Variants in GP5 observed in about 807,000 individuals in gnomAD.
The protein encoded by GP5 is platelet glycoprotein V.
For missense variants in GP5, 755 were observed against 737.1 expected (o/e 1.02, Z -0.28); for synonymous variants, 382 against 353.9 (o/e 1.08, Z -0.89).
rs756336300 is a variant in GP5 at position 194,397,242 on chromosome 3, G to A, written c.1041C>T (p.His347=). The A allele has an allele frequency of 2.5e-6, 4 of 1,576,790 alleles. No homozygotes were observed. The Admixed American group carries it at 7.1e-5, about 28-fold the overall frequency. Residue 347 remains histidine (H), a synonymous_variant, in exon 2 of 2, where the codon CAC becomes CAT. Coordinates refer to ENST00000692618, the MANE Select transcript of GP5 (RefSeq NM_004488.2). The surrounding 1 kb of genome is among the most constrained non-coding windows in gnomAD (Gnocchi z 7.2). ...CGGGGAGGGCGGTCAGGCCGTTGGA[G>A]TGCAGGGCGAGCACCTGGAGCTCGC... The part of the protein sequence containing the change: ...GLGELQVLAL[H]SNGLTALPDG...
rs776782452 is a variant in GP5 at position 194,396,917 on chromosome 3, C to T, written c.1366G>A (p.Ala456Thr). 55 of 1,522,790 alleles carry T rather than the reference C, an allele frequency of 3.6e-5. No individual in the cohort carries two copies. In the African/African-American group the frequency reaches 6.1e-4, roughly 17 times the overall value. The allele number at this position is 1,522,790 out of a possible 1,614,324, so 94.3% of individuals were successfully genotyped here. Residue 456 changes from alanine to threonine, a missense_variant, in exon 2 of 2, where the codon GCG becomes ACG. Ala to Thr is a moderately conservative substitution (Grantham distance 58). Transcript: ENST00000692618. The part of the protein sequence containing the change: ...EEPPRCAGPG[A>T]HAGLPLWALP... ...GCCCAGAGCGGCAGGCCGGCGTGCG[C>T]CCCAGGGCCTGCGCACCGTGGGGGC...
chr3:194,398,607 T>C (rs901516907), intron 1 of GP5, among the ~76,000 whole-genome samples: 4 of 152,176 alleles, frequency 2.6e-5, no homozygotes, highest in African/African-American at 9.7e-5. Flanking sequence ...CTCACAGACA[T>C]CACAAAGCAA....
Position 194,397,223 on chromosome 3 carries a change from G to A in GP5, c.1060C>T (p.Leu354Phe). ...AGGCCGCGCAGCAAGCCGTCGGGGA[G>A]GGCGGTCAGGCCGTTGGAGTGCAGG... ...LALHSNGLTALPDGLLRGLGK... is the reference protein window; with the variant it reads ...LALHSNGLTAFPDGLLRGLGK... The change falls in exon 2 of 2, where the codon CTC becomes TTC. Residue 354 changes from leucine (L) to phenylalanine (F), a missense_variant. Physicochemically the swap from Leu to Phe is conservative, Grantham distance 22. Transcript: ENST00000692618. The surrounding 1 kb of genome is among the most constrained non-coding windows in gnomAD (Gnocchi z 7.2). 1 of 1,573,274 alleles carries A rather than the reference G, an allele frequency of 6.4e-7. No homozygotes were observed. Among genetic ancestry groups the A allele is most frequent in the Non-Finnish European group, 8.6e-7 (1 of 1,167,690 alleles).
chr3:194,397,568 C>T lies in GP5; in HGVS notation c.715G>A (p.Asp239Asn), dbSNP rs1021936902. 16 of 1,614,050 alleles carry T rather than the reference C, an allele frequency of 9.9e-6. No individual in the cohort carries two copies. In the East Asian group the frequency reaches 2.2e-4, roughly 22 times the overall value. ...HIRSIAPGAFDRLPNLSSLTL... is the reference protein window; with the variant it reads ...HIRSIAPGAFNRLPNLSSLTL... Reference sequence around the variant, plus strand: ...AAAGAACTGAGGTTTGGGAGCCGGTCGAAGGCCCCGGGTGCGATGGAACGG... The same window carrying T: ...AAAGAACTGAGGTTTGGGAGCCGGTTGAAGGCCCCGGGTGCGATGGAACGG... Residue 239 changes from aspartate (D) to asparagine (N), a missense_variant, in exon 2 of 2, where the codon GAC becomes AAC. Coordinates refer to ENST00000692618, the MANE Select transcript of GP5 (RefSeq NM_004488.2). This position sits in a 1 kb window ranked among gnomAD's most constrained non-coding sequence, Gnocchi z 7.2.
rs1430489679 is a variant in GP5 at position 194,396,996 on chromosome 3, C to T, written c.1287G>A (p.Leu429=). The change falls in exon 2 of 2, where the codon CTG becomes CTA. Residue 429 remains leucine (L), a synonymous_variant. Transcript: ENST00000692618. ...GCCGCAGCCACCCCAGGAAGGGCCC[C>T]AGGCCACAGTCGCAGCGCCAGGAGT... ...GHNSWRCDCG[L]GPFLGWLRQH... is the part of the protein sequence containing the mutation. 1 of 1,594,028 alleles carries T rather than the reference C, an allele frequency of 6.3e-7. No homozygotes were observed. Among genetic ancestry groups the T allele is most frequent in the Admixed American group, 1.7e-5 (1 of 59,154 alleles).
rs776477645 is a variant in GP5 at position 194,398,184 on chromosome 3, C to G, written c.99G>C (p.Ala33=). ...GCGCCACGTCGCCCCCCGAGCACTGCGCGGCGTCCCGGAAGACACACTTGC... is the reference window on the plus strand; with the variant it reads ...GCGCCACGTCGCCCCCCGAGCACTGGGCGGCGTCCCGGAAGACACACTTGC... ...PACKCVFRDA[A]QCSGGDVARI... The change falls in exon 2 of 2, where the codon GCG becomes GCC. Residue 33 remains alanine (A), a synonymous_variant. Transcript: ENST00000692618. 4 of 1,612,824 alleles carry G rather than the reference C, an allele frequency of 2.5e-6. No homozygotes were observed. In the South Asian group the frequency reaches 3.3e-5, roughly 13 times the overall value.
At chr3:194,398,366 C>T in intron 1 of GP5, 82 bp from the exon 2 acceptor site, 1 of 1,312,438 alleles carries the variant, frequency 7.6e-7, no homozygotes. Flanking sequence ...GCACTTTGTG[C>T]AGAGGCACAA....
chr3:194,398,273 C>T lies in GP5; in HGVS notation c.10G>A (p.Gly4Arg), dbSNP rs1467639731. ...CCGAGCACCGCGCACAGTAGAGTCC[C>T]CCTCAGCATGTCTGAAAAAGCAACC... MLR[G>R]TLLCAVLGLL... Residue 4 changes from glycine to arginine, a missense_variant, in exon 2 of 2, where the codon GGG (glycine) becomes AGG (arginine). By Grantham distance (125) the Gly-to-Arg change is moderately radical. Coordinates refer to ENST00000692618, the MANE Select transcript of GP5 (RefSeq NM_004488.2). 5.0e-6 allele frequency: 8 copies of T among 1,598,834 alleles called. No homozygotes were observed. Among genetic ancestry groups the T allele is most frequent in the Non-Finnish European group, 6.8e-6 (8 of 1,171,216 alleles).
Position 194,398,261 on chromosome 3 carries a change from A to G in GP5, c.22T>C (p.Cys8Arg). The G allele has an allele frequency of 1.2e-6, 2 of 1,608,062 alleles. No individual in the cohort carries two copies. The highest frequency in any genetic ancestry group is 1.7e-6 in the Non-Finnish European group (2 of 1,177,264). The change falls in exon 2 of 2, where the codon TGC (cysteine) becomes CGC (arginine). Residue 8 changes from cysteine (C) to arginine (R), a missense_variant. By Grantham distance (180) the Cys-to-Arg change is radical. Transcript: ENST00000692618. MLRGTLL[C>R]AVLGLLRAQP... ...GCGCGCAGAAGCCCGAGCACCGCGC[A>G]CAGTAGAGTCCCCCTCAGCATGTCT...
rs566646759 is a variant in GP5, at chr3:194,397,118, G to A, written c.1165C>T (p.Leu389=). 1.3e-6 allele frequency: 2 copies of A among 1,591,122 alleles called. No homozygotes were observed. The highest frequency in any genetic ancestry group is 1.7e-6 in the Non-Finnish European group (2 of 1,176,682). ...PRALFRNLSS[L]ESVQLDHNQL... is the part of the protein sequence containing the mutation. ...TTGTGGTCGAGCTGGACGCTCTCCA[G>A]GCTGCTGAGATTGCGGAAGAGGGCA... Residue 389 remains leucine (L), a synonymous_variant, in exon 2 of 2, where the codon CTG becomes TTG. Transcript: ENST00000692618. The surrounding 1 kb of genome is among the most constrained non-coding windows in gnomAD (Gnocchi z 7.2).
rs772189930 is a variant in GP5, at chr3:194,396,766, C to T, written c.1517G>A (p.Trp506Ter). 6.2e-7 allele frequency: 1 copy of T among 1,614,044 alleles called. No homozygotes were observed. The highest frequency in any genetic ancestry group is 8.5e-7 in the Non-Finnish European group (1 of 1,179,914). Residue 506 changes from tryptophan (W) to a stop codon, truncating the protein, a stop_gained, in exon 2 of 2, where the codon TGG becomes TAG. Coordinates refer to ENST00000692618, the MANE Select transcript of GP5 (RefSeq NM_004488.2). LOFTEE classifies it low-confidence loss of function (END_TRUNC). ...TTTGCCCGTGGTCACCGGCTGGGCC[C>T]ACACCCAGGGTTCTGAGCTGTTGGG... ...LAPNSSEPWV[W>*]AQPVTTGKGQ...
rs1260578527 is a variant in GP5, at chr3:194,397,356, G to A, written c.927C>T (p.Ala309=). The A allele has an allele frequency of 1.2e-6, 2 of 1,604,680 alleles. No homozygotes were observed. The highest frequency in any genetic ancestry group is 4.5e-5 in the East Asian group (2 of 44,808). The stretch of plus-strand genomic sequence containing the variant: ...ACCGCAGGCGGCTCAGGTTGCGGAA[G>A]GCGGCGGCGGGCAGGGTGCGCAGCT... The part of the protein sequence containing the change: ...RTQLRTLPAA[A]FRNLSRLRYL... The change falls in exon 2 of 2, where the codon GCC becomes GCT. Residue 309 remains alanine, a synonymous_variant. Transcript: ENST00000692618. This position sits in a 1 kb window ranked among gnomAD's most constrained non-coding sequence, Gnocchi z 7.2.
chr3:194,398,072 T>G lies in GP5; in HGVS notation c.211A>C (p.Ser71Arg). ...GRGVLQSQSF[S>R]GMTVLQRLMI... Reference sequence around the variant, plus strand: ...AGGCGCTGCAGGACGGTCATGCCGCTGAAGCTCTGGCTCTGCAGGACGCCG... The same window carrying G: ...AGGCGCTGCAGGACGGTCATGCCGCGGAAGCTCTGGCTCTGCAGGACGCCG... Residue 71 changes from serine (S) to arginine (R), a missense_variant, in exon 2 of 2, where the codon AGC becomes CGC. Physicochemically the swap from Ser to Arg is moderately radical, Grantham distance 110. Transcript: ENST00000692618. 1 of 1,613,898 alleles carries G rather than the reference T, an allele frequency of 6.2e-7. No homozygotes were observed. Among genetic ancestry groups the G allele is most frequent in the Non-Finnish European group, 8.5e-7 (1 of 1,179,920 alleles).
Position 194,397,626 on chromosome 3 carries a change from G to A in GP5, c.657C>T (p.Ala219=). Residue 219 remains alanine, a synonymous_variant, in exon 2 of 2, where the codon GCC becomes GCT. Coordinates refer to ENST00000692618, the MANE Select transcript of GP5 (RefSeq NM_004488.2). This position sits in a 1 kb window ranked among gnomAD's most constrained non-coding sequence, Gnocchi z 7.2. ...LDSGLLNSLG[A]LTELQFHRNH... is the part of the protein sequence containing the mutation. ...TTCGGTGGAACTGCAGCTCCGTCAGGGCGCCCAGGCTGTTCAACAGCCCCG... is the reference window on the plus strand; with the variant it reads ...TTCGGTGGAACTGCAGCTCCGTCAGAGCGCCCAGGCTGTTCAACAGCCCCG... 6.2e-7 allele frequency: 1 copy of A among 1,614,134 alleles called. No homozygotes were observed. Among genetic ancestry groups the A allele is most frequent in the South Asian group, 1.1e-5 (1 of 91,082 alleles).
Position 194,394,878 on chromosome 3 carries a change from C to T in GP5, c.*1722G>A, listed in dbSNP as rs1033217020. On this transcript the variant is annotated 3_prime_UTR_variant, in exon 2 of 2. Transcript: ENST00000692618. ...CTGGCCACCCAGGGCTGAGGCCATC[C>T]GCAGGGGAAGACAGACTGATGTGAA... The T allele has an allele frequency of 2.6e-5, 4 of 152,316 alleles. No homozygotes were observed. Among genetic ancestry groups the T allele is most frequent in the South Asian group, 4.1e-4 (2 of 4,828 alleles). The allele number at this position is 152,316 out of a possible 1,614,324, so 9.4% of individuals were successfully genotyped here.
At chr3:194,398,335 T>G in intron 1 of GP5, 51 bp from the exon 2 acceptor site, 4 of 1,488,916 alleles carry the variant, frequency 2.7e-6, no homozygotes, top group Non-Finnish European at 3.6e-6. Flanking sequence ...CGTTCGCGCC[T>G]GTACTGAACC....
chr3:194,396,313 C>T lies in GP5; in HGVS notation c.*287G>A, dbSNP rs114732844. On this transcript the variant is annotated 3_prime_UTR_variant, in exon 2 of 2. Transcript: ENST00000692618. ...GCGCCCCCGGCAGTGTCAGCGCACA[C>T]CCGCGTGGGAGCTGGGGAAGGCAGG... is the stretch of plus-strand genomic sequence containing the variant. The T allele has an allele frequency of 0.013, 4,486 of 345,912 alleles. 180 individuals carry two copies. Among genetic ancestry groups the T allele is most frequent in the African/African-American group, 0.085 (4,124 of 48,392 alleles). The allele number at this position is 345,912 out of a possible 1,614,324, so 21.4% of individuals were successfully genotyped here. A position where few individuals can be genotyped will look rare whatever the true frequency, so the allele number is the denominator to read the frequency against.
Position 194,397,164 on chromosome 3 carries a change from G to A in GP5, c.1119C>T (p.Asn373=). Reference sequence around the variant, plus strand: ...GGGCACGGGGCAGGGCGCGCAGCCTGTTGCGGCGCAGGGACACCTGGCGCA... The same window carrying A: ...GGGCACGGGGCAGGGCGCGCAGCCTATTGCGGCGCAGGGACACCTGGCGCA... ...GKLRQVSLRR[N]RLRALPRALF... is the part of the protein sequence containing the mutation. The change falls in exon 2 of 2, where the codon AAC becomes AAT. Residue 373 remains asparagine, a synonymous_variant. Transcript: ENST00000692618. This position sits in a 1 kb window ranked among gnomAD's most constrained non-coding sequence, Gnocchi z 7.2. 1 of 1,580,868 alleles carries A rather than the reference G, an allele frequency of 6.3e-7. No homozygotes were observed. The highest frequency in any genetic ancestry group is 8.5e-7 in the Non-Finnish European group (1 of 1,171,546).
In GP5 at chr3:194,397,375, C is replaced by A; in HGVS notation, c.908G>T (p.Arg303Leu). ...QELWLNRTQL[R>L]TLPAAAFRNL... ...GCGGAAGGCGGCGGCGGGCAGGGTG[C>A]GCAGCTGGGTGCGGTTCAGCCACAG... Residue 303 changes from arginine (R) to leucine (L), a missense_variant, in exon 2 of 2, where the codon CGC (arginine) becomes CTC (leucine). Transcript: ENST00000692618. This position sits in a 1 kb window ranked among gnomAD's most constrained non-coding sequence, Gnocchi z 7.2. The A allele has an allele frequency of 6.2e-7, 1 of 1,609,244 alleles. No homozygotes were observed. The highest frequency in any genetic ancestry group is 8.5e-7 in the Non-Finnish European group (1 of 1,179,290).
Sources: allele counts gnomAD v4.1 joint callset (sites outside exome capture counted in the v4.1 genomes callset), GRCh38; gene constraint gnomAD v4.1.1; non-coding constraint Gnocchi (gnomAD v3.1); transcripts MANE v1.5; gene names NCBI Gene and HGNC (gene_info 2026-07-23, HGNC 2026-07-21).